The following WDR49 variants were observed in gnomAD, a reference collection of about 807,000 sequenced individuals.
The protein encoded by WDR49 is WD repeat domain 49.
Under a neutral mutation model 119.5 loss-of-function variants are expected in WDR49, and 107 were observed. The observed-to-expected ratio is 0.90, with a 90% confidence interval of 0.77 to 1.05. The LOEUF is 1.05. Among genes scored for constraint, WDR49 ranks in the 50% least tolerant of loss-of-function variants. WDR49 has a pLI of 0.00. For missense variants in WDR49, 1,240 were observed against 1,220.5 expected (o/e 1.02, Z -0.24); for synonymous variants, 425 against 418.8 (o/e 1.01, Z -0.18).
At position 167,596,254 on chromosome 3, in the gene WDR49, G is replaced by A. The variant is rs1222894256; in HGVS notation, c.1275+5873C>T. 3.7e-3 allele frequency among the ~76,000 whole-genome samples: 563 copies of A among 150,576 alleles called. 8 individuals carry two copies. Among genetic ancestry groups the A allele is most frequent in the African/African-American group, 8.9e-3 (362 of 40,898 alleles). The stretch of plus-strand genomic sequence containing the variant: ...GGAGAGGATGTGGAGAAATAGGAAC[G>A]CTTTTACACTGTTGGTGGGACTGTA... On this transcript the variant is annotated intron_variant, in intron 7 of 18. Coordinates refer to ENST00000682715, the MANE Select transcript of WDR49 (RefSeq NM_001366157.1).
chr3:167,490,258 A>C (rs1751083230), intron 18 of WDR49, among the ~76,000 whole-genome samples: 3 of 152,170 alleles, frequency 2.0e-5, no homozygotes. Context: ...TATGTTGTTC[A>C]CATATTAATG....
chr3:167,646,158 T>C (rs990568132), intron 2 of WDR49, among the ~76,000 whole-genome samples: 4 of 152,106 alleles, frequency 2.6e-5, no homozygotes, highest in Admixed American at 6.5e-5. Context: ...GATGGACTCA[T>C]TGGAACCATA....
rs145944440 is a variant in WDR49, at chr3:167,622,520, G to A, written c.607-877C>T. ...GTCCATTGATATAATTACTGAAAAGGTAAGATTTACATCTGCCATTTTTCT... is the reference window on the plus strand; with the variant it reads ...GTCCATTGATATAATTACTGAAAAGATAAGATTTACATCTGCCATTTTTCT... On this transcript the variant is annotated intron_variant, in intron 3 of 18. Transcript: ENST00000682715. 2.3e-3 allele frequency among the ~76,000 whole-genome samples: 346 copies of A among 152,148 alleles called. 1 individual carries two copies. The highest frequency in any genetic ancestry group is 7.8e-3 in the African/African-American group (324 of 41,534).
At chr3:167,568,286 A>G (rs1370838023) in intron 8 of WDR49, among the ~76,000 whole-genome samples, 2 of 152,186 alleles carry the variant, frequency 1.3e-5, no homozygotes, top group Non-Finnish European at 2.9e-5. Flanking sequence ...TTCTAAAGTT[A>G]TCAAACTATC....
At chr3:167,535,616 G>A (rs1482439399) in intron 11 of WDR49, among the ~76,000 whole-genome samples, 1 of 152,040 alleles carries the variant, frequency 6.6e-6, no homozygotes, top group African/African-American at 2.4e-5. Context: ...GTGAAGATAT[G>A]GGGCAGAGGA....
intron 3 of WDR49, 66 bp from the exon 4 acceptor site, chr3:167,621,709 C>A: frequency 7.1e-7 from 1 of 1,403,240 alleles, no homozygotes; most frequent in Non-Finnish European, 9.4e-7. Context: ...ATATGCAAAG[C>A]AGACACGCCA....
chr3:167,557,193 T>C (rs1178113261), intron 9 of WDR49, among the ~76,000 whole-genome samples: 4 of 151,906 alleles, frequency 2.6e-5, no homozygotes, highest in African/African-American at 4.8e-5. Context: ...CAAGACTCTG[T>C]CTCAAAAAAT....
At chr3:167,632,892 T>A (rs1457062703) in intron 2 of WDR49, among the ~76,000 whole-genome samples, 1 of 152,030 alleles carries the variant, frequency 6.6e-6, no homozygotes, top group Non-Finnish European at 1.5e-5. Flanking sequence ...GGAATAATAA[T>A]AACAAATTCC....
At chr3:167,570,417 G>A (rs1713866172) in intron 8 of WDR49, among the ~76,000 whole-genome samples, 1 of 152,134 alleles carries the variant, frequency 6.6e-6, no homozygotes, top group Non-Finnish European at 1.5e-5. Flanking sequence ...CAAAAGATAT[G>A]CTATCAAGAG....
In WDR49 at chr3:167,554,759, C is replaced by T. The variant is rs572160395; in HGVS notation, c.1714G>A (p.Val572Ile). ...ATATCCACAGCTCCATCTTGCCCAACATTTAGTGTATGGTGACAATATCCA... is the reference window on the plus strand; with the variant it reads ...ATATCCACAGCTCCATCTTGCCCAATATTTAGTGTATGGTGACAATATCCA... ...FNGYCHHTLN[V>I]GQDGAVDISQ... Residue 572 changes from valine to isoleucine, a missense_variant, in exon 10 of 19, where the codon GTT (valine) becomes ATT (isoleucine). Coordinates refer to ENST00000682715, the MANE Select transcript of WDR49 (RefSeq NM_001366157.1). 56 of 1,613,028 alleles carry T rather than the reference C, an allele frequency of 3.5e-5. No homozygotes were observed. In the South Asian group the frequency reaches 5.9e-4, roughly 17 times the overall value.
At chr3:167,611,867 A>G (rs111472954) in intron 5 of WDR49, among the ~76,000 whole-genome samples, 3,472 of 152,230 alleles carry the variant, frequency 0.023, 122 homozygotes, top group African/African-American at 0.076. Context: ...GAAGAGAGAG[A>G]TAGGCCTTGA....
chr3:167,571,216 A>G (rs1356821413), intron 8 of WDR49, among the ~76,000 whole-genome samples: 1 of 152,176 alleles, frequency 6.6e-6, no homozygotes, highest in African/African-American at 2.4e-5. Context: ...AAGAGGGTCT[A>G]GTATTCAAAT....
chr3:167,646,027 T>G (rs1427028022), intron 2 of WDR49, among the ~76,000 whole-genome samples: 2 of 152,054 alleles, frequency 1.3e-5, no homozygotes, highest in African/African-American at 4.8e-5. Context: ...TTGTTGGGGA[T>G]GGGAGAGAAA....
At chr3:167,618,342 ATAATT>A (rs1249872262) in intron 5 of WDR49, among the ~76,000 whole-genome samples, 15 of 152,238 alleles carry the variant, frequency 9.9e-5, no homozygotes, top group African/African-American at 2.2e-4. Context: ...GGTTGAGTCT[ATAATT>A]AATCTTTCTT....
chr3:167,539,165 A>G (rs550355009), intron 10 of WDR49, among the ~76,000 whole-genome samples: 2 of 152,330 alleles, frequency 1.3e-5, no homozygotes, highest in East Asian at 3.9e-4. Flanking sequence ...TAGATGAATT[A>G]ATGCAAGAGA....
At chr3:167,607,734 T>C (rs1231076380) in intron 5 of WDR49, among the ~76,000 whole-genome samples, 1 of 152,200 alleles carries the variant, frequency 6.6e-6, no homozygotes, top group Non-Finnish European at 1.5e-5. Flanking sequence ...ACTACCTTTC[T>C]GTCCCCATAC....
At chr3:167,563,662 A>G (rs1194881745) in intron 8 of WDR49, among the ~76,000 whole-genome samples, 2 of 152,216 alleles carry the variant, frequency 1.3e-5, no homozygotes, top group African/African-American at 4.8e-5. Flanking sequence ...GTACCGTGTG[A>G]TATTTCAATA....
intron 2 of WDR49, among the ~76,000 whole-genome samples, chr3:167,647,750 G>A (rs944240913): frequency 2.0e-5 from 3 of 152,140 alleles, no homozygotes; most frequent in African/African-American, 7.2e-5. Context: ...CTATATACAG[G>A]TGAGACTAAG....
intron 10 of WDR49, among the ~76,000 whole-genome samples, chr3:167,539,084 T>C (rs546057500): frequency 6.6e-6 from 1 of 152,306 alleles, no homozygotes; most frequent in African/African-American, 2.4e-5. Context: ...AGAGTAAATA[T>C]GGTACACCTT....
Sources: gnomAD v4.1 joint callset for allele counts (sites outside exome capture counted in the v4.1 genomes callset) on GRCh38, gnomAD v4.1.1 for gene constraint, MANE v1.5 for transcripts, NCBI Gene and HGNC (gene_info 2026-07-23, HGNC 2026-07-21) for gene names.